The following TMEM132B variants were observed in gnomAD, a reference collection of about 807,000 sequenced individuals.
TMEM132B encodes transmembrane protein 132B.
In TMEM132B, 18 loss-of-function variants were observed where a neutral mutation model predicts 90.8. The ratio of observed to expected loss-of-function variants is 0.20; its 90% CI spans 0.14 to 0.29. TMEM132B has a LOEUF of 0.29. TMEM132B is among the 10% of genes least tolerant of loss of function. The probability of loss-of-function intolerance (pLI) is 1.00; values close to 1 mark genes in which losing one functional copy is unlikely to be tolerated. For synonymous variants in TMEM132B, 504 were observed against 523.3 expected, an observed-to-expected ratio of 0.96 and a Z score of 0.50; for missense variants, 1,096 against 1,326.8, an observed-to-expected ratio of 0.83 and a Z score of 2.70.
intron 5 of TMEM132B, among the ~76,000 whole-genome samples, chr12:125,615,042 A>C (rs1257451683): frequency 1.3e-5 from 2 of 151,866 alleles, no homozygotes; most frequent in African/African-American, 4.8e-5. Flanking sequence ...TCAGCTATTA[A>C]TTTTATTGAG....
At chr12:125,356,336 C>T (rs183842115) in intron 2 of TMEM132B, among the ~76,000 whole-genome samples, 2 of 152,310 alleles carry the variant, frequency 1.3e-5, no homozygotes, top group Admixed American at 6.5e-5. Flanking sequence ...CTCTGTGCCA[C>T]AGTTTCCCAA....
At chr12:125,359,294 A>G (rs1324232018) in intron 2 of TMEM132B, among the ~76,000 whole-genome samples, 1 of 152,184 alleles carries the variant, frequency 6.6e-6, no homozygotes, top group Non-Finnish European at 1.5e-5. Flanking sequence ...ACCCAATACA[A>G]TTAATAAAAA....
At chr12:125,453,662 A>G (rs1047459604) in intron 3 of TMEM132B, among the ~76,000 whole-genome samples, 4 of 152,226 alleles carry the variant, frequency 2.6e-5, no homozygotes, top group Non-Finnish European at 5.9e-5. Context: ...TAGTCTGTTT[A>G]GAGATGCTCC....
At chr12:125,313,485 CCCTT>C (rs1195463806) in intron 1 of TMEM132B, among the ~76,000 whole-genome samples, 6 of 148,956 alleles carry the variant, frequency 4.0e-5, no homozygotes, top group Admixed American at 1.3e-4. Context: ...TTCCCTTCCT[CCCTT>C]CCTCCTTCCC....
chr12:125,448,959 T>C (rs867675095), intron 3 of TMEM132B, among the ~76,000 whole-genome samples: 5 of 150,344 alleles, frequency 3.3e-5, no homozygotes, highest in Middle Eastern at 3.4e-3. Flanking sequence ...TTGGCATTCA[T>C]ATATCTTTTT....
At chr12:125,531,837 G>A (rs542322597) in intron 4 of TMEM132B, among the ~76,000 whole-genome samples, 1 of 152,304 alleles carries the variant, frequency 6.6e-6, no homozygotes, top group East Asian at 1.9e-4. Context: ...CGTCTTTGTC[G>A]GCTGAGCTGA....
At chr12:125,441,234 G>A (rs899400370) in intron 3 of TMEM132B, among the ~76,000 whole-genome samples, 13 of 152,266 alleles carry the variant, frequency 8.5e-5, no homozygotes, top group Admixed American at 5.9e-4. Flanking sequence ...AATATTATTA[G>A]CATCCATGTC....
At chr12:125,239,476 C>T (rs1025496596) in intron 1 of TMEM132B, among the ~76,000 whole-genome samples, 8 of 152,148 alleles carry the variant, frequency 5.3e-5, no homozygotes, top group Non-Finnish European at 8.8e-5. Context: ...TAGGGAGTTC[C>T]ACTGGATCCT....
chr12:125,332,200 G>C (rs1876797754), intron 1 of TMEM132B, among the ~76,000 whole-genome samples: 1 of 152,086 alleles, frequency 6.6e-6, no homozygotes, highest in Non-Finnish European at 1.5e-5. Flanking sequence ...ATGTTACTTA[G>C]TATGTTTATA....
At chr12:125,595,721 C>T (rs770719201) in intron 5 of TMEM132B, among the ~76,000 whole-genome samples, 10 of 152,154 alleles carry the variant, frequency 6.6e-5, no homozygotes, top group Non-Finnish European at 1.5e-4. Flanking sequence ...ATGGAGATCA[C>T]CTAGCTGGTA....
intron 1 of TMEM132B, among the ~76,000 whole-genome samples, chr12:125,328,297 C>A (rs1310666630): frequency 1.3e-5 from 2 of 152,176 alleles, no homozygotes; most frequent in Non-Finnish European, 2.9e-5. Flanking sequence ...TCCTGCCCAG[C>A]CACCACACCC....
chr12:125,257,015 GT>G (rs1274242700), intron 1 of TMEM132B, among the ~76,000 whole-genome samples: 3 of 152,096 alleles, frequency 2.0e-5, no homozygotes, highest in Non-Finnish European at 4.4e-5. Context: ...GTTTTTGTAG[GT>G]AAAAAAGATG....
At chr12:125,512,598 A>T (rs1159866950) in intron 3 of TMEM132B, among the ~76,000 whole-genome samples, 1 of 152,184 alleles carries the variant, frequency 6.6e-6, no homozygotes, top group African/African-American at 2.4e-5. Flanking sequence ...AAATCTAACG[A>T]GTAATGAGAG....
chr12:125,447,032 GTTTTC>G (rs1881022837), intron 3 of TMEM132B, among the ~76,000 whole-genome samples: 1 of 152,090 alleles, frequency 6.6e-6, no homozygotes, highest in African/African-American at 2.4e-5. Context: ...TTTTATACCA[GTTTTC>G]TTTTGATTAC....
intron 1 of TMEM132B, among the ~76,000 whole-genome samples, chr12:125,284,886 G>C (rs934718675): frequency 1.3e-5 from 2 of 152,192 alleles, no homozygotes; most frequent in Admixed American, 1.3e-4. Context: ...TATTTTCAGA[G>C]ATAAGAAGGC....
In TMEM132B at chr12:125,596,634, C is replaced by CT. The variant is rs558444637; in HGVS notation, c.1437+12647dup. On this transcript the variant is annotated intron_variant, in intron 5 of 8. Transcript: ENST00000682704. ...ACTTCTAAAGTCCAGTTTAACAAGCCTTTTTTTAAAGAGTAAAGGCCTCAG... is the reference window on the plus strand; with the variant it reads ...ACTTCTAAAGTCCAGTTTAACAAGCCTTTTTTTTAAAGAGTAAAGGCCTCAG... 6.0e-3 allele frequency among the ~76,000 whole-genome samples: 910 copies of CT among 152,220 alleles called. 12 individuals are homozygous for CT. The highest frequency in any genetic ancestry group is 0.02 in the African/African-American group (824 of 41,538).
rs549416789 is a variant in TMEM132B, at chr12:125,269,468, G to T, written c.68-79984G>T. On this transcript the variant is annotated intron_variant, in intron 1 of 8. Coordinates refer to ENST00000682704, the MANE Select transcript of TMEM132B (RefSeq NM_001366854.1). ...GCTGTTGAGAGCTGCCTTGGGACTC[G>T]AGCCTGGTAATTAGCTCTTTACCTG... 2.2e-4 allele frequency among the ~76,000 whole-genome samples: 34 copies of T among 152,306 alleles called. 1 individual carries two copies. In the South Asian group the frequency reaches 6.4e-3, roughly 29 times the overall value.
At chr12:125,440,383 G>A (rs1880835292) in intron 3 of TMEM132B, among the ~76,000 whole-genome samples, 1 of 152,172 alleles carries the variant, frequency 6.6e-6, no homozygotes, top group Non-Finnish European at 1.5e-5. Context: ...AAATGCTGTT[G>A]TTAAATATTG....
chr12:125,603,121 G>A (rs7296013), intron 5 of TMEM132B, among the ~76,000 whole-genome samples: 557 of 152,194 alleles, frequency 3.7e-3, no homozygotes, highest in Middle Eastern at 6.8e-3. Flanking sequence ...AATTTCATAT[G>A]GAACCAAAAA....
Sources: allele counts gnomAD v4.1 joint callset (sites outside exome capture counted in the v4.1 genomes callset), GRCh38; gene constraint gnomAD v4.1.1; transcripts MANE v1.5; gene names NCBI Gene and HGNC (gene_info 2026-07-23, HGNC 2026-07-21).